The following YES1 variants were observed in gnomAD, a reference collection of about 807,000 sequenced individuals.
YES1 encodes tyrosine-protein kinase Yes.
A neutral mutation model predicts 70.4 loss-of-function variants in YES1; 39 were observed. The observed-to-expected ratio is 0.55, with a 90% CI of 0.43 to 0.72. The LOEUF (loss-of-function observed/expected upper bound fraction) is 0.72. YES1 is among the 30% of genes least tolerant of loss of function. The pLI is 0.00. For missense variants in YES1, 495 were observed against 644.8 expected, an observed-to-expected ratio of 0.77 and a Z score of 2.52; for synonymous variants, 198 against 218.6, an observed-to-expected ratio of 0.91 and a Z score of 0.83.
At chr18:772,839 T>C (rs2145781545) in intron 1 of YES1, among the ~76,000 whole-genome samples, 1 of 152,378 alleles carries the variant, frequency 6.6e-6, no homozygotes, top group Non-Finnish European at 1.5e-5. Flanking sequence ...TTTTTATTCA[T>C]TTGTGGTCTG....
intron 1 of YES1, among the ~76,000 whole-genome samples, chr18:761,490 T>A (rs1904592168): frequency 1.3e-5 from 2 of 152,196 alleles, no homozygotes; most frequent in Admixed American, 1.3e-4. Flanking sequence ...GAGGCTCCTA[T>A]AATTGCCCAA....
intron 1 of YES1, among the ~76,000 whole-genome samples, chr18:808,585 T>C (rs569223343): frequency 2.0e-5 from 3 of 152,332 alleles, no homozygotes; most frequent in South Asian, 2.1e-4. Flanking sequence ...TTCTAAACAA[T>C]GGAAGATCTT....
At chr18:809,190 C>T (rs1907246930) in intron 1 of YES1, among the ~76,000 whole-genome samples, 1 of 152,072 alleles carries the variant, frequency 6.6e-6, no homozygotes, top group Admixed American at 6.5e-5. Context: ...TTTTGTAAAA[C>T]CTGTGTCTTC....
chr18:753,370 T>C (rs1467170810), intron 2 of YES1, among the ~76,000 whole-genome samples: 2 of 152,244 alleles, frequency 1.3e-5, no homozygotes, highest in Non-Finnish European at 2.9e-5. Context: ...TGTTCTACAA[T>C]AGATCTCTTG....
chr18:808,356 G>A (rs1907203477), intron 1 of YES1, among the ~76,000 whole-genome samples: 8 of 152,186 alleles, frequency 5.3e-5, no homozygotes, highest in Admixed American at 5.2e-4. Context: ...AGCAGCTGCA[G>A]CTGAGCAATA....
rs2080299622 is a variant in YES1 at position 747,953 on chromosome 18, T to C, written c.437A>G (p.Tyr146Cys). The change falls in exon 4 of 12, where the codon TAT becomes TGT. Residue 146 changes from tyrosine (Y) to cysteine (C), a missense_variant. Around this residue, in one of 2 missense-constraint regions of YES1, gnomAD observed 385 missense variants for 540.9 expected, o/e 0.71. Coordinates refer to ENST00000314574, the MANE Select transcript of YES1 (RefSeq NM_005433.4). ...TGKNGYIPSN[Y>C]VAPADSIQAE... is the part of the protein sequence containing the mutation. ...CTGAATGGAATCTGCAGGCGCTACATAATTGCTCGGGATATAACCATTCTT... is the reference window on the plus strand; with the variant it reads ...CTGAATGGAATCTGCAGGCGCTACACAATTGCTCGGGATATAACCATTCTT... The C allele has an allele frequency of 6.2e-7, 1 of 1,613,714 alleles. No homozygotes were observed. The highest frequency in any genetic ancestry group is 8.5e-7 in the Non-Finnish European group (1 of 1,179,978).
chr18:741,061 C>G (rs2080211732), intron 8 of YES1, among the ~76,000 whole-genome samples: 1 of 151,762 alleles, frequency 6.6e-6, no homozygotes, highest in Admixed American at 6.6e-5. Context: ...CCACGCCCAG[C>G]TGTTTTTTGT....
intron 1 of YES1, among the ~76,000 whole-genome samples, chr18:757,251 C>G (rs1416135242): frequency 2.0e-5 from 3 of 151,046 alleles, no homozygotes; most frequent in Non-Finnish European, 4.4e-5. Flanking sequence ...CGCCTGTAAT[C>G]CCAGCACTTT....
At chr18:741,650 C>CA (rs531917119) in intron 8 of YES1, among the ~76,000 whole-genome samples, 108 of 152,072 alleles carry the variant, frequency 7.1e-4, no homozygotes, top group Non-Finnish European at 1.3e-3. Flanking sequence ...GAAAAATACA[C>CA]AAATTATCTA....
intron 1 of YES1, among the ~76,000 whole-genome samples, chr18:793,290 C>T (rs372157622): frequency 1.3e-5 from 2 of 152,102 alleles, no homozygotes; most frequent in Non-Finnish European, 2.9e-5. Flanking sequence ...CCACCCACCT[C>T]GGCCTCCCAA....
chr18:802,544 CAA>C (rs200573604), intron 1 of YES1, among the ~76,000 whole-genome samples: 30 of 83,112 alleles, frequency 3.6e-4, no homozygotes, highest in East Asian at 6.6e-4. Flanking sequence ...AACTCCATCT[CAA>C]AAAAAAAAAA....
In YES1 at chr18:722,809, T is replaced by G. The variant is rs535025235; in HGVS notation, c.*1615A>C. ...ATTACATAGACTTTAGAAGTGAATG[T>G]AGGCTGGGCGCGGTGGCTCACGCCT... On this transcript the variant is annotated 3_prime_UTR_variant, in exon 12 of 12. Transcript: ENST00000314574. 1 of 152,214 alleles carries G rather than the reference T, an allele frequency of 6.6e-6. No individual in the cohort carries two copies. Among genetic ancestry groups the G allele is most frequent in the Admixed American group, 6.5e-5 (1 of 15,270 alleles). 9.4% of individuals were successfully genotyped at this position (152,214 alleles called of 1,614,324 possible). A position where few individuals can be genotyped will look rare whatever the true frequency, so the allele number is the denominator to read the frequency against.
chr18:744,295 G>C (rs2080251912), intron 6 of YES1, among the ~76,000 whole-genome samples: 1 of 151,578 alleles, frequency 6.6e-6, no homozygotes, highest in Non-Finnish European at 1.5e-5. Flanking sequence ...CAAAGAGAAT[G>C]TTATCATTAA....
At chr18:807,489 A>T (rs1348792150) in intron 1 of YES1, among the ~76,000 whole-genome samples, 3 of 152,224 alleles carry the variant, frequency 2.0e-5, no homozygotes, top group African/African-American at 7.2e-5. Context: ...ACAGAGCAAG[A>T]TCCTGTCTCA....
At chr18:731,851 T>C (rs549044833) in intron 11 of YES1, among the ~76,000 whole-genome samples, 25 of 150,196 alleles carry the variant, frequency 1.7e-4, no homozygotes, top group East Asian at 6.0e-4. Context: ...CCTATAGTCC[T>C]AGCTACTCGG....
intron 1 of YES1, among the ~76,000 whole-genome samples, chr18:771,005 CAA>C (rs552105932): frequency 5.1e-5 from 6 of 117,932 alleles, no homozygotes; most frequent in Admixed American, 1.8e-4. Flanking sequence ...TATCCCATCT[CAA>C]AAAAAAAAAA....
intron 3 of YES1, among the ~76,000 whole-genome samples, chr18:748,373 TTA>T (rs1491193500): frequency 6.6e-6 from 1 of 151,462 alleles, no homozygotes; most frequent in African/African-American, 2.4e-5. Context: ...TTTTTTTTTT[TTA>T]AAGCTTTAAG....
chr18:805,286 A>G (rs972836451), intron 1 of YES1, among the ~76,000 whole-genome samples: 2 of 152,196 alleles, frequency 1.3e-5, no homozygotes, highest in Non-Finnish European at 2.9e-5. Flanking sequence ...AGAATACTGC[A>G]GGCAACTGTA....
rs1330991926 is a variant in YES1 at position 759,694 on chromosome 18, A to T, written c.-8-2859T>A. On this transcript the variant is annotated intron_variant, in intron 1 of 11. Coordinates refer to ENST00000314574, the MANE Select transcript of YES1 (RefSeq NM_005433.4). ...TAGGTATTATAAGTAATCTGGAGAC[A>T]ATTTATTTATTTCTTTTTTTCTTTT... Among the ~76,000 whole-genome samples the T allele has an allele frequency of 8.8e-5, 9 of 102,766 alleles. No individual in the cohort carries two copies. The East Asian group carries it at 2.6e-3, about 29-fold the overall frequency. The allele number at this position is 102,766 out of a possible 152,430, so 67.4% of individuals were successfully genotyped here.
Sources: allele counts gnomAD v4.1 joint callset (sites outside exome capture counted in the v4.1 genomes callset), GRCh38; gene constraint gnomAD v4.1.1; regional missense constraint gnomAD v4.1.1; transcripts MANE v1.5; gene names NCBI Gene and HGNC (gene_info 2026-07-23, HGNC 2026-07-21).